Variants in PPFIBP1 observed in about 807,000 individuals in gnomAD.
PPFIBP1 encodes PPFIB scaffold protein 1.
A neutral mutation model predicts 137.8 loss-of-function variants in PPFIBP1; 112 were observed. That is an observed-to-expected ratio of 0.81 (90% confidence interval 0.70 to 0.95). The LOEUF (loss-of-function observed/expected upper bound fraction) is 0.95. Ranked by LOEUF, PPFIBP1 falls within the 40% of genes least tolerant of loss-of-function variation. The pLI, the probability that PPFIBP1 is intolerant of heterozygous loss-of-function variation, is 0.00. For missense variants in PPFIBP1, 1,083 were observed against 1,196.6 expected (o/e 0.91, Z 1.40); for synonymous variants, 378 against 417.3 (o/e 0.91, Z 1.15).
chr12:27,577,739 G>C (rs916435050), intron 1 of PPFIBP1, among the ~76,000 whole-genome samples: 1 of 152,080 alleles, frequency 6.6e-6, no homozygotes, highest in African/African-American at 2.4e-5. Context: ...ATAATAAATT[G>C]TGGACATTTC....
At chr12:27,644,243 A>G (rs1482362864) in intron 4 of PPFIBP1, among the ~76,000 whole-genome samples, 1 of 50,862 alleles carries the variant, frequency 2.0e-5, no homozygotes, top group Non-Finnish European at 3.8e-5. Flanking sequence ...AGCTTGGCTA[A>G]GTTTTTTTTT....
chr12:27,616,288 T>C (rs1255246601), intron 2 of PPFIBP1, among the ~76,000 whole-genome samples: 1 of 149,234 alleles, frequency 6.7e-6, no homozygotes, highest in African/African-American at 2.5e-5. Context: ...ACCCCACTGG[T>C]GGACATTTAG....
chr12:27,572,255 A>T (rs1368636505), intron 1 of PPFIBP1, among the ~76,000 whole-genome samples: 1 of 152,228 alleles, frequency 6.6e-6, no homozygotes, highest in African/African-American at 2.4e-5. Flanking sequence ...ATTGGTATAT[A>T]ATTGGTATAC....
At chr12:27,674,958 G>A (rs1197976265) in intron 17 of PPFIBP1, among the ~76,000 whole-genome samples, 6 of 148,514 alleles carry the variant, frequency 4.0e-5, no homozygotes, top group African/African-American at 1.2e-4. Flanking sequence ...GATTACAGGC[G>A]TGCACCACCA....
chr12:27,576,967 T>C (rs145249724), intron 1 of PPFIBP1, among the ~76,000 whole-genome samples: 223 of 151,994 alleles, frequency 1.5e-3, no homozygotes, highest in African/African-American at 5.0e-3. Flanking sequence ...CGCACCCTAG[T>C]CTTAAAATTG....
chr12:27,526,346 T>G (rs919955809), intron 1 of PPFIBP1, among the ~76,000 whole-genome samples: 1 of 152,238 alleles, frequency 6.6e-6, no homozygotes, highest in Non-Finnish European at 1.5e-5. Flanking sequence ...TGATTCACAG[T>G]TTGAATAATA....
intron 14 of PPFIBP1, 46 bp from the exon 15 acceptor site, chr12:27,672,381 T>A: frequency 6.8e-7 from 1 of 1,475,416 alleles, no homozygotes; most frequent in Non-Finnish European, 9.4e-7. Flanking sequence ...ATATATGGTC[T>A]TTTATTCGTG....
At chr12:27,676,152 G>A (rs2060495681) in intron 17 of PPFIBP1, among the ~76,000 whole-genome samples, 1 of 152,120 alleles carries the variant, frequency 6.6e-6, no homozygotes, top group African/African-American at 2.4e-5. Flanking sequence ...AAGAATTTTT[G>A]TATCCTAAAT....
intron 1 of PPFIBP1, among the ~76,000 whole-genome samples, chr12:27,574,747 G>T (rs1432914453): frequency 1.3e-5 from 2 of 152,188 alleles, no homozygotes; most frequent in Admixed American, 6.5e-5. Context: ...GAGCTGGACT[G>T]CCTGGGTTCT....
chr12:27,570,559 C>T (rs2050052834), intron 1 of PPFIBP1, among the ~76,000 whole-genome samples: 1 of 152,180 alleles, frequency 6.6e-6, no homozygotes, highest in South Asian at 2.1e-4. Context: ...AATCTGAAAT[C>T]CTGCCACACA....
intron 7 of PPFIBP1, among the ~76,000 whole-genome samples, chr12:27,650,431 C>T (rs966410277): frequency 3.9e-5 from 6 of 152,042 alleles, no homozygotes; most frequent in African/African-American, 9.7e-5. Flanking sequence ...TTGGAGCATC[C>T]GTCCATCCAT....
intron 2 of PPFIBP1, among the ~76,000 whole-genome samples, chr12:27,587,753 CT>C (rs1345827365): frequency 2.0e-5 from 3 of 150,572 alleles, no homozygotes; most frequent in South Asian, 2.1e-4. Flanking sequence ...TTCTCTCTGT[CT>C]TTTTTTTCCT....
intron 2 of PPFIBP1, among the ~76,000 whole-genome samples, chr12:27,586,248 C>G (rs1280744492): frequency 6.6e-6 from 1 of 152,166 alleles, no homozygotes; most frequent in East Asian, 1.9e-4. Flanking sequence ...ACTTAAGAAC[C>G]TGGGTTTTTA....
At chr12:27,559,759 CT>C (rs1263687114) in intron 1 of PPFIBP1, among the ~76,000 whole-genome samples, 1 of 152,196 alleles carries the variant, frequency 6.6e-6, no homozygotes, top group Non-Finnish European at 1.5e-5. Context: ...AGCTCCTCTC[CT>C]TCCAGACACA....
In PPFIBP1 at chr12:27,534,343, G is replaced by A. The variant is rs532906629; in HGVS notation, c.-124+9978G>A. Among the ~76,000 whole-genome samples, 9 of 152,220 alleles carry A rather than the reference G, an allele frequency of 5.9e-5. No individual in the cohort carries two copies. The South Asian group carries it at 1.4e-3, about 25-fold the overall frequency. ...CGAATTGAGTAAGTTCACTGCAGGC[G>A]GTCTGCATTGATTTATCAGTAGAGT... On this transcript the variant is annotated intron_variant, in intron 1 of 29. Transcript: ENST00000228425.
At position 27,683,212 on chromosome 12, in the gene PPFIBP1, C is replaced by T. The variant is rs558027462; in HGVS notation, c.2247+509C>T. ...CCGAGTAGCTGGGATTACAGGCTCA[C>T]GCCACCATACCCAGCTAATTTTTTT... On this transcript the variant is annotated intron_variant, in intron 24 of 29. Transcript: ENST00000228425. 1.6e-4 allele frequency among the ~76,000 whole-genome samples: 25 copies of T among 152,076 alleles called. No individual in the cohort carries two copies. In the East Asian group the frequency reaches 1.9e-3, roughly 12 times the overall value.
chr12:27,635,008 CT>C lies in PPFIBP1; in HGVS notation c.164del (p.Leu55ArgfsTer5). On this transcript the variant is annotated frameshift_variant, in exon 4 of 30. Coordinates refer to ENST00000228425, the MANE Select transcript of PPFIBP1 (RefSeq NM_003622.4). LOFTEE classifies it high-confidence loss of function. ...SLRALHLVED[L>X]RGLLEMMETD... ...GCGAGCTCTGCACCTTGTGGAAGAC[CT>C]GCGTGGATTGTTAGAGATGATGGAA... The C allele has an allele frequency of 6.2e-7, 1 of 1,614,102 alleles. No individual in the cohort carries two copies. The highest frequency in any genetic ancestry group is 1.3e-5 in the African/African-American group (1 of 75,020).
chr12:27,575,422 A>G (rs1396984896), intron 1 of PPFIBP1, among the ~76,000 whole-genome samples: 1 of 152,232 alleles, frequency 6.6e-6, no homozygotes, highest in East Asian at 1.9e-4. Context: ...ATGATTGTTT[A>G]ACATGTTAGT....
intron 24 of PPFIBP1, among the ~76,000 whole-genome samples, chr12:27,687,108 T>A (rs2061250399): frequency 6.6e-6 from 1 of 152,174 alleles, no homozygotes; most frequent in African/African-American, 2.4e-5. Context: ...AGCAAGTGCT[T>A]TTCTAACTGT....
Sources: gnomAD v4.1 joint callset for allele counts (sites outside exome capture counted in the v4.1 genomes callset) on GRCh38, gnomAD v4.1.1 for gene constraint, MANE v1.5 for transcripts, NCBI Gene and HGNC (gene_info 2026-07-23, HGNC 2026-07-21) for gene names.